TPP2: variants seen among roughly 807,000 people sequenced by gnomAD.
TPP2 encodes the protein tripeptidyl-peptidase 2.
Under a neutral mutation model 155.9 loss-of-function variants are expected in TPP2, and 34 were observed. That is an observed-to-expected ratio of 0.22 (90% CI 0.17 to 0.29). The LOEUF (loss-of-function observed/expected upper bound fraction) is 0.29, where lower values mean the gene tolerates loss of function less well. Ranked by LOEUF, TPP2 falls within the 10% of genes least tolerant of loss-of-function variation. The pLI, the probability that TPP2 is intolerant of heterozygous loss-of-function variation, is 1.00. For missense variants in TPP2, 1,028 were observed against 1,522.3 expected (o/e 0.68, Z 5.40); for synonymous variants, 510 against 529.4 (o/e 0.96, Z 0.50).
intron 8 of TPP2, among the ~76,000 whole-genome samples, chr13:102,628,326 ATCTG>A (rs1881786543): frequency 6.6e-6 from 1 of 152,016 alleles, no homozygotes; most frequent in South Asian, 2.1e-4. Flanking sequence ...AGATCTGACA[ATCTG>A]TCTATCATTA....
In TPP2 at chr13:102,605,699, C is replaced by CT. The variant is rs772696801; in HGVS notation, c.294+792dup. On this transcript the variant is annotated intron_variant, in intron 2 of 29. Transcript: ENST00000376052. Reference sequence around the variant, plus strand: ...TGTTAACTTAAATGGCCAGCTTTGTCTTTTTTTTTTTTTTAAACTTCTTTT... The same window carrying CT: ...TGTTAACTTAAATGGCCAGCTTTGTCTTTTTTTTTTTTTTTAAACTTCTTTT... 9.9e-3 allele frequency among the ~76,000 whole-genome samples: 1,339 copies of CT among 135,264 alleles called. 18 individuals carry two copies. Among genetic ancestry groups the CT allele is most frequent in the African/African-American group, 0.032 (1,179 of 37,076 alleles). The allele number at this position is 135,264 out of a possible 152,430, so 88.7% of individuals were successfully genotyped here.
intron 27 of TPP2, among the ~76,000 whole-genome samples, chr13:102,671,635 C>G (rs181995872): frequency 7.2e-5 from 11 of 152,270 alleles, no homozygotes; most frequent in Admixed American, 7.2e-4. Flanking sequence ...GTCAATTTTG[C>G]GTTACCAGGC....
intron 24 of TPP2, among the ~76,000 whole-genome samples, chr13:102,656,014 C>T (rs1183505854): frequency 1.3e-5 from 2 of 152,146 alleles, no homozygotes; most frequent in African/African-American, 4.8e-5. Flanking sequence ...TAAAGAAGAT[C>T]TCAAATCTAT....
chr13:102,642,730 C>T (rs889621047), intron 16 of TPP2, among the ~76,000 whole-genome samples: 7 of 152,024 alleles, frequency 4.6e-5, no homozygotes, highest in South Asian at 2.1e-4. Flanking sequence ...CATAAGTAGT[C>T]GTGCCAGGCT....
intron 25 of TPP2, among the ~76,000 whole-genome samples, chr13:102,658,858 C>T (rs1215799227): frequency 6.6e-6 from 1 of 151,832 alleles, no homozygotes; most frequent in Non-Finnish European, 1.5e-5. Flanking sequence ...GCTGAGTGCT[C>T]TCAAGAGGTA....
intron 1 of TPP2, among the ~76,000 whole-genome samples, chr13:102,601,814 A>G (rs1266326641): frequency 2.0e-5 from 3 of 152,110 alleles, no homozygotes; most frequent in African/African-American, 4.8e-5. Context: ...TTTTATGTCT[A>G]GTGAAGTGGT....
At chr13:102,656,200 A>G (rs2139568845) in intron 24 of TPP2, among the ~76,000 whole-genome samples, 1 of 152,338 alleles carries the variant, frequency 6.6e-6, no homozygotes, top group East Asian at 1.9e-4. Flanking sequence ...TTAAACAAAA[A>G]GCAGAAATCT....
At chr13:102,616,582 T>G (rs1020600857) in intron 4 of TPP2, 82 bp downstream of exon 4, 17 of 1,155,620 alleles carry the variant, frequency 1.5e-5, no homozygotes, top group Non-Finnish European at 2.0e-5. Context: ...AGACTGTTTT[T>G]CCACAAGTTT....
intron 24 of TPP2, among the ~76,000 whole-genome samples, chr13:102,652,397 C>CCTATAT (rs1883559892): frequency 8.0e-6 from 1 of 125,490 alleles, no homozygotes; most frequent in Non-Finnish European, 1.8e-5. Context: ...AACATACATA[C>CCTATAT]ATATATATAT....
intron 19 of TPP2, 86 bp downstream of exon 19, chr13:102,645,095 T>C (rs1264176241): frequency 2.3e-6 from 3 of 1,296,270 alleles, no homozygotes; most frequent in Non-Finnish European, 3.2e-6. Context: ...CTTTTTTTTT[T>C]TTAATCCACC....
intron 5 of TPP2, among the ~76,000 whole-genome samples, chr13:102,621,372 T>G (rs1307907477): frequency 6.6e-6 from 1 of 152,162 alleles, no homozygotes; most frequent in African/African-American, 2.4e-5. Flanking sequence ...TGGAAGCAAG[T>G]GTTGGGAACG....
chr13:102,602,266 AC>A (rs1164562289), intron 1 of TPP2, among the ~76,000 whole-genome samples: 1 of 152,088 alleles, frequency 6.6e-6, no homozygotes, highest in Non-Finnish European at 1.5e-5. Flanking sequence ...AGATTTTCTT[AC>A]ATTTTTCTCT....
chr13:102,619,437 C>CAAA (rs10682969), intron 5 of TPP2, among the ~76,000 whole-genome samples: 20,889 of 144,176 alleles, frequency 0.14, 1,698 homozygotes, highest in African/African-American at 0.23. Flanking sequence ...AGGATTTCTG[C>CAAA]AAAAAAAAAA....
At chr13:102,675,319 A>T (rs964741569) in intron 28 of TPP2, among the ~76,000 whole-genome samples, 1 of 152,234 alleles carries the variant, frequency 6.6e-6, no homozygotes, top group Non-Finnish European at 1.5e-5. Flanking sequence ...TGAAGGAGCC[A>T]GTATTGCAGC....
At chr13:102,673,330 G>A (rs1351149824) in intron 27 of TPP2, among the ~76,000 whole-genome samples, 1 of 152,192 alleles carries the variant, frequency 6.6e-6, no homozygotes, top group African/African-American at 2.4e-5. Flanking sequence ...GTCTTTCAGA[G>A]TCACTCTTAG....
At chr13:102,651,203 T>C (rs1883464325) in intron 23 of TPP2, among the ~76,000 whole-genome samples, 156 bp from the exon 24 acceptor site, 1 of 152,234 alleles carries the variant, frequency 6.6e-6, no homozygotes, top group African/African-American at 2.4e-5. Context: ...GCAATGTTGC[T>C]TTCTTTAAAA....
chr13:102,656,912 G>T, intron 24 of TPP2, 144 bp from the exon 25 acceptor site: 1 of 707,410 alleles, frequency 1.4e-6, no homozygotes, highest in Non-Finnish European at 2.1e-6. Flanking sequence ...GGAATTTTTG[G>T]TGTATTGTGA....
In TPP2 at chr13:102,664,989, G is replaced by A. The variant is rs1025127349; in HGVS notation, c.3371+64G>A. ...CCTAGTTAACTTGTTTAAAAAGTAG[G>A]GACTAATATTATAGAGGATATTGCT... On this transcript the variant is annotated intron_variant, in intron 27 of 29. Transcript: ENST00000376052. 4 of 1,579,510 alleles carry A rather than the reference G, an allele frequency of 2.5e-6. No individual in the cohort carries two copies. The African/African-American group carries it at 5.5e-5, about 22-fold the overall frequency.
intron 2 of TPP2, among the ~76,000 whole-genome samples, chr13:102,613,806 T>G (rs779935374): frequency 1.1e-4 from 16 of 152,246 alleles, no homozygotes; most frequent in Non-Finnish European, 2.1e-4. Flanking sequence ...TTTAAAAGAT[T>G]ATTACAAGAT....
Sources: gnomAD v4.1 joint callset for allele counts (sites outside exome capture counted in the v4.1 genomes callset) on GRCh38, gnomAD v4.1.1 for gene constraint, MANE v1.5 for transcripts, NCBI Gene and HGNC (gene_info 2026-07-23, HGNC 2026-07-21) for gene names.